AKAP6: variants seen among roughly 807,000 people sequenced by gnomAD.
The protein encoded by AKAP6 is A-kinase anchoring protein 6.
A neutral mutation model predicts 188.5 loss-of-function variants in AKAP6; 58 were observed. The observed-to-expected ratio is 0.31, with a 90% CI of 0.25 to 0.38. AKAP6 has a LOEUF of 0.38. Ranked by LOEUF, AKAP6 falls within the 10% of genes least tolerant of loss-of-function variation. The pLI is 1.00. For synonymous variants in AKAP6, 989 were observed against 998.6 expected (o/e 0.99, Z 0.18); for missense variants, 2,710 against 2,740.0 (o/e 0.99, Z 0.24).
chr14:32,727,581 T>C (rs1338655823), intron 9 of AKAP6, among the ~76,000 whole-genome samples: 2 of 152,342 alleles, frequency 1.3e-5, no homozygotes, highest in East Asian at 3.9e-4. Context: ...TAATGTGATT[T>C]CCAGATCATG....
chr14:32,800,515 T>C (rs2033917811), intron 12 of AKAP6, among the ~76,000 whole-genome samples: 1 of 152,174 alleles, frequency 6.6e-6, no homozygotes, highest in Admixed American at 6.5e-5. Context: ...GCTTTGTGCA[T>C]ACATGTTTAG....
At chr14:32,693,373 A>G (rs1362551398) in intron 8 of AKAP6, 1 of 152,132 alleles carries the variant, frequency 6.6e-6, no homozygotes, top group Non-Finnish European at 1.5e-5. Flanking sequence ...CTTTGTTGTC[A>G]TGGCAATGCC....
intron 2 of AKAP6, among the ~76,000 whole-genome samples, chr14:32,445,698 T>C (rs541776607): frequency 1.3e-5 from 2 of 152,296 alleles, no homozygotes; most frequent in East Asian, 3.9e-4. Context: ...TATTTTCATA[T>C]GGTGTCTGTC....
chr14:32,521,177 G>A (rs1355431865), intron 2 of AKAP6, among the ~76,000 whole-genome samples: 2 of 152,022 alleles, frequency 1.3e-5, no homozygotes, highest in Non-Finnish European at 2.9e-5. Context: ...GGTATTGATG[G>A]GATGTATCTC....
intron 7 of AKAP6, among the ~76,000 whole-genome samples, chr14:32,630,914 T>A (rs929595706): frequency 6.6e-6 from 1 of 152,074 alleles, no homozygotes; most frequent in African/African-American, 2.4e-5. Flanking sequence ...CAGCAGATAT[T>A]CTTCTGGCTT....
At chr14:32,515,174 G>A (rs987502965) in intron 2 of AKAP6, among the ~76,000 whole-genome samples, 3 of 152,180 alleles carry the variant, frequency 2.0e-5, no homozygotes, top group African/African-American at 7.2e-5. Flanking sequence ...TTGCATGGCG[G>A]CAGGCAAGAG....
chr14:32,757,471 C>T (rs1225861972), intron 11 of AKAP6, among the ~76,000 whole-genome samples: 2 of 152,142 alleles, frequency 1.3e-5, no homozygotes, highest in African/African-American at 4.8e-5. Flanking sequence ...TTGGATCAGC[C>T]CAGGCTCCCC....
In AKAP6 at chr14:32,837,295, CCTTA is replaced by C. The variant is rs1323720538; in HGVS notation, c.*7495_*7498del. Reference sequence around the variant, plus strand: ...TGAAATTATTAAAACATTTCTTTGTCCTTACTTAAACCTAACCTGCCATTTTAAA... The same window carrying C: ...TGAAATTATTAAAACATTTCTTTGTCCTTAAACCTAACCTGCCATTTTAAA... On this transcript the variant is annotated 3_prime_UTR_variant, in exon 14 of 14. Coordinates refer to ENST00000280979, the MANE Select transcript of AKAP6 (RefSeq NM_004274.5). The C allele has an allele frequency of 4.6e-5, 7 of 152,138 alleles. No homozygotes were observed. The highest frequency in any genetic ancestry group is 8.8e-5 in the Non-Finnish European group (6 of 68,022). The allele number at this position is 152,138 out of a possible 1,614,324, so 9.4% of individuals were successfully genotyped here.
At chr14:32,691,856 G>C (rs1236712161) in intron 8 of AKAP6, among the ~76,000 whole-genome samples, 1 of 152,072 alleles carries the variant, frequency 6.6e-6, no homozygotes, top group African/African-American at 2.4e-5. Flanking sequence ...ACTGTGCCTG[G>C]CTTTGATTTG....
intron 11 of AKAP6, among the ~76,000 whole-genome samples, chr14:32,764,480 G>A (rs1323770230): frequency 6.6e-6 from 1 of 152,166 alleles, no homozygotes; most frequent in Non-Finnish European, 1.5e-5. Context: ...TAGAAATCAG[G>A]GACAAGATTG....
At chr14:32,365,738 T>A (rs1218958662) in intron 1 of AKAP6, among the ~76,000 whole-genome samples, 1 of 151,992 alleles carries the variant, frequency 6.6e-6, no homozygotes, top group African/African-American at 2.4e-5. Context: ...CTCAAACCCC[T>A]CCCCATTATC....
chr14:32,797,749 A>G (rs1298628901), intron 12 of AKAP6, among the ~76,000 whole-genome samples: 1 of 152,140 alleles, frequency 6.6e-6, no homozygotes, highest in Non-Finnish European at 1.5e-5. Context: ...GCAAACCTGC[A>G]CATCCTGTAC....
chr14:32,671,465 G>A (rs1889191124), intron 7 of AKAP6, among the ~76,000 whole-genome samples: 1 of 151,760 alleles, frequency 6.6e-6, no homozygotes, highest in Non-Finnish European at 1.5e-5. Flanking sequence ...TAGATTGGCG[G>A]CAATGGATTA....
intron 7 of AKAP6, among the ~76,000 whole-genome samples, chr14:32,644,656 C>T (rs1047352782): frequency 3.9e-5 from 6 of 152,058 alleles, no homozygotes; most frequent in Admixed American, 6.6e-5. Context: ...ATTTTGGGGA[C>T]CAACATTTTT....
At chr14:32,354,615 T>C (rs541576535) in intron 1 of AKAP6, among the ~76,000 whole-genome samples, 3 of 152,230 alleles carry the variant, frequency 2.0e-5, no homozygotes, top group Non-Finnish European at 4.4e-5. Flanking sequence ...TCTGTAAGTA[T>C]GCTCAAATCT....
At chr14:32,452,010 C>T (rs1366385421) in intron 2 of AKAP6, among the ~76,000 whole-genome samples, 2 of 95,770 alleles carry the variant, frequency 2.1e-5, no homozygotes, top group Non-Finnish European at 4.2e-5. Flanking sequence ...CTTTTCTTTA[C>T]ATTTTTTTTT....
chr14:32,379,657 T>C (rs1442396082), intron 1 of AKAP6, among the ~76,000 whole-genome samples: 1 of 152,096 alleles, frequency 6.6e-6, no homozygotes, highest in African/African-American at 2.4e-5. Context: ...ACTTTGGTCA[T>C]AGGCTTGAGC....
At chr14:32,672,742 A>G (rs766358546) in intron 7 of AKAP6, among the ~76,000 whole-genome samples, 34 of 152,158 alleles carry the variant, frequency 2.2e-4, no homozygotes, top group Non-Finnish European at 4.7e-4. Context: ...AGTTACTAGA[A>G]TCTCTTAGGC....
At chr14:32,534,866 G>A (rs905773649) in intron 2 of AKAP6, among the ~76,000 whole-genome samples, 2 of 151,544 alleles carry the variant, frequency 1.3e-5, no homozygotes, top group Non-Finnish European at 2.9e-5. Context: ...TTGGGAAGCT[G>A]AGGCAGGAGA....
Sources: allele counts gnomAD v4.1 joint callset (sites outside exome capture counted in the v4.1 genomes callset), GRCh38; gene constraint gnomAD v4.1.1; transcripts MANE v1.5; gene names NCBI Gene and HGNC (gene_info 2026-07-23, HGNC 2026-07-21).